Variants in BFSP2 observed in about 807,000 individuals in gnomAD.
BFSP2 encodes beaded filament structural protein 2, also known as phakinin.
Under a neutral mutation model 44.9 loss-of-function variants are expected in BFSP2, and 38 were observed. The observed-to-expected ratio is 0.85, with a 90% CI of 0.65 to 1.11. The LOEUF is 1.11. Ranked by LOEUF, BFSP2 falls within the 50% of genes least tolerant of loss-of-function variation. BFSP2 has a pLI of 0.00. For missense variants in BFSP2, 525 were observed against 533.0 expected, an observed-to-expected ratio of 0.99 and a Z score of 0.15; for synonymous variants, 197 against 209.9, an observed-to-expected ratio of 0.94 and a Z score of 0.53.
intron 1 of BFSP2, among the ~76,000 whole-genome samples, chr3:133,423,802 G>A (rs1008288239): frequency 3.9e-5 from 6 of 152,012 alleles, no homozygotes; most frequent in Non-Finnish European, 7.4e-5. Context: ...GTCACTCAGC[G>A]GCAAAATGTT....
intron 1 of BFSP2, chr3:133,429,546 T>C (rs2073688127): frequency 1.3e-5 from 2 of 152,230 alleles, no homozygotes; most frequent in African/African-American, 4.8e-5. Flanking sequence ...CCAATGTCAA[T>C]GTTAGTCTCA....
intron 1 of BFSP2, among the ~76,000 whole-genome samples, chr3:133,401,261 A>G (rs1041808598): frequency 4.6e-5 from 7 of 152,368 alleles, no homozygotes; most frequent in African/African-American, 1.7e-4. Context: ...GGTAATTTAC[A>G]TTCAAGTAGA....
intron 1 of BFSP2, among the ~76,000 whole-genome samples, chr3:133,446,494 A>T (rs2073898200): frequency 6.9e-6 from 1 of 145,428 alleles, no homozygotes; most frequent in Non-Finnish European, 1.5e-5. Flanking sequence ...AGGGGAAAGC[A>T]GTTATTTTCT....
intron 1 of BFSP2, among the ~76,000 whole-genome samples, chr3:133,403,915 A>C (rs2073382680): frequency 6.6e-6 from 1 of 152,154 alleles, no homozygotes; most frequent in South Asian, 2.1e-4. Context: ...GCAGAGAGTC[A>C]CATCATGGAA....
chr3:133,400,307 GCCGGGCCCTCGGCAT>G lies in BFSP2; in HGVS notation c.226_240del (p.Arg76_Ile80del), dbSNP rs778217297. 1 of 1,613,998 alleles carries G rather than the reference GCCGGGCCCTCGGCAT, an allele frequency of 6.2e-7. No individual in the cohort carries two copies. The highest frequency in any genetic ancestry group is 2.2e-5 in the East Asian group (1 of 44,886). ...GGTGGCTTGGGTGCCCGTGTGACCC[GCCGGGCCCTCGGCAT>G]CAGCAGTGTCTTCCTTCAGGGCCTG... On this transcript the variant is annotated inframe_deletion, in exon 1 of 7. Transcript: ENST00000302334. The surrounding 1 kb of genome is among the most constrained non-coding windows in gnomAD (Gnocchi z 4.0).
At chr3:133,447,173 G>A in intron 1 of BFSP2, 144 bp from the exon 2 acceptor site, 1 of 758,556 alleles carries the variant, frequency 1.3e-6, no homozygotes, top group Non-Finnish European at 2.3e-6. Context: ...CCAAAGAGAG[G>A]GACATCTTAA....
chr3:133,422,324 C>T (rs1165761992), intron 1 of BFSP2, among the ~76,000 whole-genome samples: 1 of 152,142 alleles, frequency 6.6e-6, no homozygotes, highest in Non-Finnish European at 1.5e-5. Flanking sequence ...ATCTCACTGA[C>T]ATCTCCCTGC....
chr3:133,445,801 A>G (rs1358626842), intron 1 of BFSP2, among the ~76,000 whole-genome samples: 1 of 152,196 alleles, frequency 6.6e-6, no homozygotes, highest in African/African-American at 2.4e-5. Flanking sequence ...AAGAGACTTG[A>G]GCATCCGTGG....
At chr3:133,456,230 C>A (rs2074011688) in intron 4 of BFSP2, among the ~76,000 whole-genome samples, 1 of 152,186 alleles carries the variant, frequency 6.6e-6, no homozygotes, top group Non-Finnish European at 1.5e-5. Flanking sequence ...TGAGCTGTAA[C>A]CATCATGCCT....
chr3:133,420,548 T>A (rs1164673544), intron 1 of BFSP2, among the ~76,000 whole-genome samples: 1 of 152,200 alleles, frequency 6.6e-6, no homozygotes, highest in Non-Finnish European at 1.5e-5. Flanking sequence ...GCTGATATTC[T>A]GTAAACGCTC....
intron 3 of BFSP2, among the ~76,000 whole-genome samples, chr3:133,449,641 G>A (rs2073937975): frequency 6.6e-6 from 1 of 151,988 alleles, no homozygotes; most frequent in African/African-American, 2.4e-5. Flanking sequence ...CACTTTGAGA[G>A]GCCAAGGCAG....
intron 1 of BFSP2, chr3:133,445,301 G>C (rs1432365725): frequency 6.5e-6 from 1 of 152,702 alleles, no homozygotes; most frequent in African/African-American, 2.4e-5. Flanking sequence ...GAGGCAGCTA[G>C]AGCAGGCCTG....
intron 1 of BFSP2, among the ~76,000 whole-genome samples, chr3:133,438,315 T>C (rs185850535): frequency 7.0e-4 from 107 of 152,256 alleles, no homozygotes; most frequent in Non-Finnish European, 1.4e-3. Flanking sequence ...TCACCTGAGG[T>C]TGGGAGTTCG....
chr3:133,441,919 G>A (rs1194668896), intron 1 of BFSP2, among the ~76,000 whole-genome samples: 2 of 152,208 alleles, frequency 1.3e-5, no homozygotes, highest in Non-Finnish European at 2.9e-5. Flanking sequence ...TCATGCAAAG[G>A]GGAAGGGAGG....
At chr3:133,451,768 C>T (rs2073967832) in intron 4 of BFSP2, among the ~76,000 whole-genome samples, 2 of 152,020 alleles carry the variant, frequency 1.3e-5, no homozygotes, top group African/African-American at 4.8e-5. Context: ...AAATAGTATA[C>T]ATTATATTCA....
Position 133,466,047 on chromosome 3 carries a change from G to A in BFSP2, c.892-781G>A, listed in dbSNP as rs528574096. On this transcript the variant is annotated intron_variant, in intron 4 of 6. Transcript: ENST00000302334. ...AATGTACTCAATTTCTATTAGGTTG[G>A]TGCAAAATTAATTGCTGTCTCTGCC... 1.4e-3 allele frequency among the ~76,000 whole-genome samples: 211 copies of A among 152,222 alleles called. 1 individual carries two copies. Among genetic ancestry groups the A allele is most frequent in the African/African-American group, 4.7e-3 (196 of 41,514 alleles).
At chr3:133,474,009 C>G (rs2107947147) in intron 6 of BFSP2, among the ~76,000 whole-genome samples, 1 of 152,272 alleles carries the variant, frequency 6.6e-6, no homozygotes, top group African/African-American at 2.4e-5. Flanking sequence ...TTTCCAGACT[C>G]CATAGTGGAG....
chr3:133,466,578 G>C (rs1464752679), intron 4 of BFSP2, among the ~76,000 whole-genome samples: 1 of 145,828 alleles, frequency 6.9e-6, no homozygotes, highest in Non-Finnish European at 1.5e-5. Context: ...AGCTACTCGA[G>C]GCAGGAGAAT....
chr3:133,429,881 A>C (rs868608108), intron 1 of BFSP2, among the ~76,000 whole-genome samples: 15 of 151,552 alleles, frequency 9.9e-5, no homozygotes, highest in Admixed American at 5.9e-4. Context: ...CATTAGGTAT[A>C]TCTCCTAATG....
Sources: gnomAD v4.1 joint callset for allele counts (sites outside exome capture counted in the v4.1 genomes callset) on GRCh38, gnomAD v4.1.1 for gene constraint, Gnocchi (gnomAD v3.1) non-coding constraint, MANE v1.5 for transcripts, NCBI Gene and HGNC (gene_info 2026-07-23, HGNC 2026-07-21) for gene names.